The following IGF2BP3 variants were observed in gnomAD, a reference collection of about 807,000 sequenced individuals.
The protein encoded by IGF2BP3 is insulin-like growth factor 2 mRNA-binding protein 3.
In IGF2BP3, 9 loss-of-function variants were observed where a neutral mutation model predicts 73.8. That is an observed-to-expected ratio of 0.12 (90% CI 0.07 to 0.21). The LOEUF (loss-of-function observed/expected upper bound fraction) is 0.21. Among genes scored for constraint, IGF2BP3 ranks in the 10% least tolerant of loss-of-function variants. IGF2BP3 has a pLI of 1.00. For synonymous variants in IGF2BP3, 258 were observed against 256.7 expected, an observed-to-expected ratio of 1.01 and a Z score of -0.05; for missense variants, 542 against 714.0, an observed-to-expected ratio of 0.76 and a Z score of 2.75.
At chr7:23,345,910 T>C (rs753315474) in intron 8 of IGF2BP3, 30 bp downstream of exon 8, 53 of 1,605,646 alleles carry the variant, frequency 3.3e-5, no homozygotes, top group Non-Finnish European at 4.3e-5. Flanking sequence ...GTTGGAAAGT[T>C]TTCTTATTCA....
chr7:23,430,280 TCACCATGCTGGC>T (rs1414668614), intron 2 of IGF2BP3, among the ~76,000 whole-genome samples: 4 of 152,186 alleles, frequency 2.6e-5, no homozygotes, highest in African/African-American at 9.6e-5. Context: ...AGACGGGGTT[TCACCATGCTGGC>T]CAGGCTGGTC....
chr7:23,379,387 C>T (rs1026936176), intron 3 of IGF2BP3, among the ~76,000 whole-genome samples: 7 of 152,162 alleles, frequency 4.6e-5, no homozygotes, highest in African/African-American at 1.7e-4. Flanking sequence ...TTCTATTAAT[C>T]CAACTTTTCA....
intron 9 of IGF2BP3, 97 bp from the exon 10 acceptor site, chr7:23,342,286 A>G: frequency 7.5e-7 from 1 of 1,326,572 alleles, no homozygotes; most frequent in Non-Finnish European, 1.1e-6. Context: ...CTCTTGTCTA[A>G]TAAAGAAATG....
At chr7:23,399,535 A>C (rs1786592862) in intron 3 of IGF2BP3, among the ~76,000 whole-genome samples, 1 of 152,092 alleles carries the variant, frequency 6.6e-6, no homozygotes, top group Admixed American at 6.6e-5. Context: ...TCTCATGACA[A>C]CCTTGACTTT....
At chr7:23,377,139 C>T (rs958017367) in intron 3 of IGF2BP3, among the ~76,000 whole-genome samples, 1 of 151,132 alleles carries the variant, frequency 6.6e-6, no homozygotes, top group African/African-American at 2.4e-5. Context: ...AAGAAAAGAA[C>T]AAAAAAATAA....
intron 3 of IGF2BP3, among the ~76,000 whole-genome samples, chr7:23,379,176 A>AT (rs907713353): frequency 2.4e-4 from 36 of 152,156 alleles, no homozygotes; most frequent in Admixed American, 2.3e-3. Context: ...TGTCTTTGAA[A>AT]TTTTTTCCTT....
chr7:23,381,788 C>T (rs1026955545), intron 3 of IGF2BP3, among the ~76,000 whole-genome samples: 3 of 152,058 alleles, frequency 2.0e-5, no homozygotes, highest in Non-Finnish European at 4.4e-5. Context: ...GGGCTGGTCT[C>T]GAACTCCAGA....
chr7:23,373,615 AGCT>A (rs1262878393), intron 3 of IGF2BP3, among the ~76,000 whole-genome samples: 3 of 152,240 alleles, frequency 2.0e-5, no homozygotes, highest in Non-Finnish European at 4.4e-5. Flanking sequence ...AAAATGGTGC[AGCT>A]GCTATGAAAA....
At chr7:23,396,002 C>T (rs1194527263) in intron 3 of IGF2BP3, among the ~76,000 whole-genome samples, 3 of 151,168 alleles carry the variant, frequency 2.0e-5, no homozygotes, top group Non-Finnish European at 2.9e-5. Context: ...TTCTTATACC[C>T]ATCCCCCTAC....
intron 2 of IGF2BP3, among the ~76,000 whole-genome samples, chr7:23,465,458 G>A (rs1788544098): frequency 6.6e-6 from 1 of 152,098 alleles, no homozygotes; most frequent in South Asian, 2.1e-4. Context: ...ATTCCCTTGA[G>A]ACCTCAGTAA....
intron 3 of IGF2BP3, among the ~76,000 whole-genome samples, chr7:23,402,068 G>A (rs927814873): frequency 6.6e-6 from 1 of 152,148 alleles, no homozygotes; most frequent in Non-Finnish European, 1.5e-5. Flanking sequence ...AGTGAGCCGA[G>A]ATTGCACCAC....
chr7:23,351,466 A>G lies in IGF2BP3; in HGVS notation c.522T>C (p.Leu174=), dbSNP rs1211568719. The G allele has an allele frequency of 2.5e-6, 4 of 1,613,794 alleles. No homozygotes were observed. Among genetic ancestry groups the G allele is most frequent in the Non-Finnish European group, 2.5e-6 (3 of 1,179,932 alleles). ...PLQQPRGRRG[L]GQRGSSRQGS... is the part of the protein sequence containing the mutation. ...CCTGCCTTGAGGAGCCCCTCTGCCC[A>G]AGCCCCCGGCGACCTCGGGGCTGCT... is the stretch of plus-strand genomic sequence containing the variant. The change falls in exon 6 of 15, where the codon CTT becomes CTC. Residue 174 remains leucine (L), a synonymous_variant. Transcript: ENST00000258729.
chr7:23,389,390 G>C (rs1338433633), intron 3 of IGF2BP3, among the ~76,000 whole-genome samples: 1 of 152,090 alleles, frequency 6.6e-6, no homozygotes, highest in Non-Finnish European at 1.5e-5. Context: ...TCAAACTCGT[G>C]ACCTGGTGAT....
At chr7:23,443,109 T>C in intron 2 of IGF2BP3, among the ~76,000 whole-genome samples, 1 of 136,408 alleles carries the variant, frequency 7.3e-6, no homozygotes, top group African/African-American at 2.8e-5. Flanking sequence ...GTGATTTTTT[T>C]TTTTTTTTTT....
chr7:23,339,030 C>T (rs189897979), intron 10 of IGF2BP3, among the ~76,000 whole-genome samples: 1 of 152,226 alleles, frequency 6.6e-6, no homozygotes. Flanking sequence ...TTTAAGAATG[C>T]GAATTTCCTT....
intron 3 of IGF2BP3, among the ~76,000 whole-genome samples, chr7:23,418,503 A>G (rs1170423157): frequency 1.3e-5 from 2 of 152,250 alleles, no homozygotes; most frequent in Admixed American, 6.5e-5. Flanking sequence ...AACTGAAATC[A>G]ACAAAATCCT....
chr7:23,457,223 G>A (rs530896243), intron 2 of IGF2BP3, among the ~76,000 whole-genome samples: 1 of 152,238 alleles, frequency 6.6e-6, no homozygotes, highest in Admixed American at 6.5e-5. Context: ...AGCACTTTGG[G>A]AGGCTAAGGC....
chr7:23,392,402 G>GAA lies in IGF2BP3; in HGVS notation c.285+26372_285+26373dup, dbSNP rs11411929. 7.7e-3 allele frequency among the ~76,000 whole-genome samples: 1,028 copies of GAA among 133,838 alleles called. 14 individuals carry two copies. The highest frequency in any genetic ancestry group is 0.02 in the African/African-American group (756 of 37,204). The allele number at this position is 133,838 out of a possible 152,430, so 87.8% of individuals were successfully genotyped here. ...GTCACAAATGGAAAACCATTTGGAA[G>GAA]AAAAAAAAAAAGACAAGGACAGCTT... On this transcript the variant is annotated intron_variant, in intron 3 of 14. Coordinates refer to ENST00000258729, the MANE Select transcript of IGF2BP3 (RefSeq NM_006547.3).
At chr7:23,383,196 C>T (rs1329884501) in intron 3 of IGF2BP3, among the ~76,000 whole-genome samples, 2 of 152,170 alleles carry the variant, frequency 1.3e-5, no homozygotes. Context: ...GGAAGTGTAG[C>T]GCAAAAATCA....
Sources: gnomAD v4.1 joint callset for allele counts (sites outside exome capture counted in the v4.1 genomes callset) on GRCh38, gnomAD v4.1.1 for gene constraint, MANE v1.5 for transcripts, NCBI Gene and HGNC (gene_info 2026-07-23, HGNC 2026-07-21) for gene names.